ETV6: variants seen among roughly 807,000 people sequenced by gnomAD.
The protein encoded by ETV6 is transcription factor ETV6.
ETV6 carries 16 observed loss-of-function variants against 51.1 expected under a neutral mutation model. That is an observed-to-expected ratio of 0.31 (90% confidence interval 0.21 to 0.48). The LOEUF (loss-of-function observed/expected upper bound fraction) is 0.48, where lower values mean the gene tolerates loss of function less well. Ranked by LOEUF, ETV6 falls within the 20% of genes least tolerant of loss-of-function variation. The pLI, the probability that ETV6 is intolerant of heterozygous loss-of-function variation, is 0.99. For missense variants in ETV6, 458 were observed against 594.8 expected, an observed-to-expected ratio of 0.77 and a Z score of 2.39; for synonymous variants, 240 against 224.1, an observed-to-expected ratio of 1.07 and a Z score of -0.64.
At chr12:11,879,626 T>G (rs1947055789) in intron 5 of ETV6, among the ~76,000 whole-genome samples, 1 of 152,252 alleles carries the variant, frequency 6.6e-6, no homozygotes, top group African/African-American at 2.4e-5. Context: ...AACACTTTCA[T>G]AAACTACTTC....
At chr12:11,829,414 C>T (rs111419151) in intron 2 of ETV6, among the ~76,000 whole-genome samples, 1 of 152,186 alleles carries the variant, frequency 6.6e-6, no homozygotes, top group African/African-American at 2.4e-5. Context: ...GATTCAGACG[C>T]GTAACTAACC....
Position 11,894,001 on chromosome 12 carries a change from C to T in ETV6, c.*2955C>T, listed in dbSNP as rs1353132160. On this transcript the variant is annotated 3_prime_UTR_variant, in exon 8 of 8. Transcript: ENST00000396373. ...TTCCCCTAACTGCAAATGTCCTCTT[C>T]ATTTGTTCTTTATGAGAAAACCCGG... 3 of 224,894 alleles carry T rather than the reference C, an allele frequency of 1.3e-5. No individual in the cohort carries two copies. Among genetic ancestry groups the T allele is most frequent in the African/African-American group, 6.7e-5 (3 of 44,782 alleles). The allele number at this position is 224,894 out of a possible 1,614,324, so 13.9% of individuals were successfully genotyped here. A position where few individuals can be genotyped will look rare whatever the true frequency, so the allele number is the denominator to read the frequency against.
At chr12:11,775,590 G>T (rs910339063) in intron 2 of ETV6, among the ~76,000 whole-genome samples, 2 of 152,146 alleles carry the variant, frequency 1.3e-5, no homozygotes. Flanking sequence ...TTAATCCGTG[G>T]AATTTACAAT....
intron 2 of ETV6, among the ~76,000 whole-genome samples, chr12:11,792,352 T>G (rs1462305426): frequency 6.6e-6 from 1 of 152,108 alleles, no homozygotes; most frequent in Non-Finnish European, 1.5e-5. Flanking sequence ...TTAGACAAAA[T>G]CCTGAATAGG....
At chr12:11,890,015 C>A (rs1321045323) in intron 7 of ETV6, among the ~76,000 whole-genome samples, 1 of 151,988 alleles carries the variant, frequency 6.6e-6, no homozygotes, top group South Asian at 2.1e-4. Flanking sequence ...CAGTTTAACC[C>A]ATTGAACAGG....
At chr12:11,775,211 C>T (rs1945303189) in intron 2 of ETV6, among the ~76,000 whole-genome samples, 1 of 152,166 alleles carries the variant, frequency 6.6e-6, no homozygotes, top group Non-Finnish European at 1.5e-5. Flanking sequence ...AGCCGATGTC[C>T]CTAGGACTGT....
chr12:11,737,523 G>A (rs1865727176), intron 1 of ETV6, among the ~76,000 whole-genome samples: 1 of 152,218 alleles, frequency 6.6e-6, no homozygotes, highest in South Asian at 2.1e-4. Context: ...GCAAGCCTCT[G>A]AAAATTAGAT....
At chr12:11,832,922 C>T (rs966800320) in intron 2 of ETV6, among the ~76,000 whole-genome samples, 9 of 152,220 alleles carry the variant, frequency 5.9e-5, no homozygotes, top group African/African-American at 2.2e-4. Flanking sequence ...ACGATCTGCA[C>T]TTTGTCAGTA....
intron 1 of ETV6, among the ~76,000 whole-genome samples, chr12:11,661,929 A>G (rs756668544): frequency 6.6e-5 from 10 of 152,202 alleles, no homozygotes; most frequent in African/African-American, 9.7e-5. Context: ...TCCAGGGGGA[A>G]TGTTGGCGAG....
intron 1 of ETV6, among the ~76,000 whole-genome samples, chr12:11,720,281 A>C (rs1300906486): frequency 6.6e-6 from 1 of 152,240 alleles, no homozygotes; most frequent in Non-Finnish European, 1.5e-5. Context: ...ACTTCTGGAT[A>C]TAAGTAAGAA....
At chr12:11,796,055 T>C (rs1234490994) in intron 2 of ETV6, among the ~76,000 whole-genome samples, 1 of 152,120 alleles carries the variant, frequency 6.6e-6, no homozygotes, top group Non-Finnish European at 1.5e-5. Context: ...CTGATGAAGC[T>C]CAAATTACCT....
intron 1 of ETV6, among the ~76,000 whole-genome samples, chr12:11,726,809 GT>G (rs1273352562): frequency 6.6e-6 from 1 of 152,172 alleles, no homozygotes; most frequent in Non-Finnish European, 1.5e-5. Context: ...AAGCATATGA[GT>G]ACTTAGGCTA....
At chr12:11,849,671 A>G (rs1249264569) in intron 3 of ETV6, among the ~76,000 whole-genome samples, 2 of 152,214 alleles carry the variant, frequency 1.3e-5, no homozygotes, top group African/African-American at 2.4e-5. Flanking sequence ...GAAACTTTCT[A>G]TCAACTAGAG....
chr12:11,792,407 G>A (rs779877602), intron 2 of ETV6, among the ~76,000 whole-genome samples: 8 of 152,284 alleles, frequency 5.3e-5, no homozygotes, highest in Admixed American at 2.6e-4. Context: ...ATTAATCCTC[G>A]GCCAGGCGAG....
At chr12:11,744,156 T>C (rs1417128975) in intron 1 of ETV6, among the ~76,000 whole-genome samples, 1 of 151,988 alleles carries the variant, frequency 6.6e-6, no homozygotes, top group Non-Finnish European at 1.5e-5. Flanking sequence ...TATCTCTCAT[T>C]TGGGGGGAGA....
intron 2 of ETV6, among the ~76,000 whole-genome samples, chr12:11,779,240 T>C (rs995013080): frequency 6.6e-6 from 1 of 152,234 alleles, no homozygotes. Context: ...TGATTTGCTC[T>C]TTTACAGCTT....
At chr12:11,854,274 C>A (rs868670403) in intron 4 of ETV6, among the ~76,000 whole-genome samples, 1 of 152,072 alleles carries the variant, frequency 6.6e-6, no homozygotes, top group South Asian at 2.1e-4. Flanking sequence ...GGCGGTAATA[C>A]GAGCAGTGGG....
chr12:11,814,358 A>T (rs534984981), intron 2 of ETV6, among the ~76,000 whole-genome samples: 17 of 151,928 alleles, frequency 1.1e-4, no homozygotes, highest in African/African-American at 2.9e-4. Flanking sequence ...TGTAAAAAAA[A>T]ATTTTTTTTT....
At chr12:11,841,570 G>A (rs1946390740) in intron 3 of ETV6, among the ~76,000 whole-genome samples, 1 of 152,188 alleles carries the variant, frequency 6.6e-6, no homozygotes, top group Non-Finnish European at 1.5e-5. Flanking sequence ...GATGTGAGGT[G>A]CTATATAGAT....
Sources: gnomAD v4.1 joint callset for allele counts (sites outside exome capture counted in the v4.1 genomes callset) on GRCh38, gnomAD v4.1.1 for gene constraint, MANE v1.5 for transcripts, NCBI Gene and HGNC (gene_info 2026-07-23, HGNC 2026-07-21) for gene names.